The following FANCB variants were observed in gnomAD, a reference collection of about 807,000 sequenced individuals.
FANCB encodes the protein Fanconi anemia group B protein.
In FANCB, 5 loss-of-function variants were observed where a neutral mutation model predicts 38.9. That is an observed-to-expected ratio of 0.13 (90% confidence interval 0.07 to 0.27). FANCB has a LOEUF of 0.27. Ranked by LOEUF, FANCB falls within the 10% of genes least tolerant of loss-of-function variation. The probability of loss-of-function intolerance (pLI) is 1.00; values close to 1 mark genes in which losing one functional copy is unlikely to be tolerated. For synonymous variants in FANCB, 236 were observed against 215.4 expected (o/e 1.10, Z -0.84); for missense variants, 573 against 602.7 (o/e 0.95, Z 0.52).
At position 14,860,629 on chromosome X, in the gene FANCB, ATT is replaced by A. The variant is rs746694206; in HGVS notation, c.952-1297_952-1296del. On this transcript the variant is annotated intron_variant, in intron 3 of 9. Transcript: ENST00000650831. ...ATATCTAACACAATATATCTAAAATATTGTCATTTTAATTCAATGTAATCATT... is the reference window on the plus strand; with the variant it reads ...ATATCTAACACAATATATCTAAAATAGTCATTTTAATTCAATGTAATCATT... Among the ~76,000 whole-genome samples, 34 of 112,398 alleles carry A rather than the reference ATT, an allele frequency of 3.0e-4. 1 individual carries two copies. The highest frequency in any genetic ancestry group is 9.2e-3 in the Middle Eastern group (2 of 218).
the FANCB span, among the ~76,000 whole-genome samples, chrX:14,763,329 C>T: frequency 8.9e-6 from 1 of 112,292 alleles, no homozygotes; most frequent in East Asian, 2.8e-4. Context: ...AAAGGGAATA[C>T]TATACAGCCA....
the FANCB span, among the ~76,000 whole-genome samples, chrX:14,809,621 C>T: frequency 8.9e-6 from 1 of 112,278 alleles, no homozygotes; most frequent in Non-Finnish European, 1.9e-5. Flanking sequence ...GGCAGGCAGG[C>T]TGGGGAAGGG....
the FANCB span, chrX:14,731,002 C>T: frequency 9.1e-6 from 1 of 110,281 alleles, no homozygotes; most frequent in Non-Finnish European, 1.9e-5. Flanking sequence ...TATAGTGAGT[C>T]GAGGACCAAA....
At chrX:14,775,160 G>GTTTTTTTTTTTTTTT in the FANCB span, among the ~76,000 whole-genome samples, 1 of 35,001 alleles carries the variant, frequency 2.9e-5, no homozygotes, top group Non-Finnish European at 6.0e-5. Flanking sequence ...TTTCTCTAAT[G>GTTTTTTTTTTTTTTT]TTTTTTTTTT....
chrX:14,861,887 C>G (rs2092448361), intron 3 of FANCB, among the ~76,000 whole-genome samples: 2 of 110,805 alleles, frequency 1.8e-5, no homozygotes, highest in Non-Finnish European at 3.8e-5. Flanking sequence ...GCTCTGTCAA[C>G]CAGCTGGAGT....
chrX:14,729,636 T>C, the FANCB span, among the ~76,000 whole-genome samples: 2 of 110,987 alleles, frequency 1.8e-5, no homozygotes, highest in African/African-American at 6.5e-5. Context: ...GCTATATAAA[T>C]GAGATGAACT....
chrX:14,869,778 G>A (rs2092486755), intron 1 of FANCB, among the ~76,000 whole-genome samples: 1 of 111,752 alleles, frequency 8.9e-6, no homozygotes, highest in Admixed American at 9.5e-5. Context: ...AAAAAAGCTT[G>A]CAAATCATTG....
At chrX:14,702,157 C>T in the FANCB span, among the ~76,000 whole-genome samples, 4 of 111,697 alleles carry the variant, frequency 3.6e-5, no homozygotes, top group Non-Finnish European at 7.5e-5. Context: ...GCTTTCACTA[C>T]ATCATAAAAA....
At chrX:14,736,069 G>A in the FANCB span, among the ~76,000 whole-genome samples, 3 of 111,081 alleles carry the variant, frequency 2.7e-5, no homozygotes, top group African/African-American at 9.8e-5. Flanking sequence ...CTCAGTAATG[G>A]CGGACACCCC....
At chrX:14,729,475 T>C in the FANCB span, among the ~76,000 whole-genome samples, 2 of 111,999 alleles carry the variant, frequency 1.8e-5, no homozygotes, top group Non-Finnish European at 3.8e-5. Flanking sequence ...TTCAGACTTT[T>C]ATCTAATTTA....
chrX:14,760,388 G>T, the FANCB span, among the ~76,000 whole-genome samples: 1 of 111,777 alleles, frequency 8.9e-6, no homozygotes, highest in Non-Finnish European at 1.9e-5. Flanking sequence ...GTGGTTACCA[G>T]AGGCTTGGAG....
chrX:14,689,555 T>C, the FANCB span, among the ~76,000 whole-genome samples: 1 of 112,190 alleles, frequency 8.9e-6, no homozygotes, highest in Non-Finnish European at 1.9e-5. Flanking sequence ...TGTCATTTAT[T>C]ACTTTTGTTA....
At chrX:14,728,986 G>GA in the FANCB span, among the ~76,000 whole-genome samples, 1 of 112,065 alleles carries the variant, frequency 8.9e-6, no homozygotes, top group African/African-American at 3.2e-5. Flanking sequence ...CCTCTCCAGG[G>GA]ATCTGCTGTT....
chrX:14,741,866 C>T, the FANCB span, among the ~76,000 whole-genome samples: 1 of 111,238 alleles, frequency 9.0e-6, no homozygotes, highest in African/African-American at 3.3e-5. Flanking sequence ...TTTTTAAAAA[C>T]GGGCTAATGT....
At chrX:14,726,250 T>C in the FANCB span, among the ~76,000 whole-genome samples, 1 of 111,970 alleles carries the variant, frequency 8.9e-6, no homozygotes, top group Non-Finnish European at 1.9e-5. Flanking sequence ...GAAAGGCAAT[T>C]AGTCATTTAT....
the FANCB span, among the ~76,000 whole-genome samples, chrX:14,746,978 C>T: frequency 9.0e-6 from 1 of 111,526 alleles, no homozygotes; most frequent in African/African-American, 3.3e-5. Context: ...TCATTTCTAC[C>T]CAACTCAGTG....
chrX:14,724,626 C>CAAAAAAAAA, the FANCB span, among the ~76,000 whole-genome samples: 11 of 49,581 alleles, frequency 2.2e-4, no homozygotes, highest in East Asian at 1.9e-3. Context: ...AACTCTGTCT[C>CAAAAAAAAA]AAAAAAAAAA....
At chrX:14,869,958 G>A (rs1159976733) in intron 1 of FANCB, among the ~76,000 whole-genome samples, 1 of 111,999 alleles carries the variant, frequency 8.9e-6, no homozygotes, top group Non-Finnish European at 1.9e-5. Flanking sequence ...AAGACTTATT[G>A]AATTTACATA....
chrX:14,788,072 A>G, the FANCB span, among the ~76,000 whole-genome samples: 1 of 107,777 alleles, frequency 9.3e-6, no homozygotes, highest in East Asian at 2.9e-4. Flanking sequence ...TGCTAGGACA[A>G]GTCCCGGGGC....
Sources: gnomAD v4.1 joint callset for allele counts (sites outside exome capture counted in the v4.1 genomes callset) on GRCh38, gnomAD v4.1.1 for gene constraint, MANE v1.5 for transcripts, NCBI Gene and HGNC (gene_info 2026-07-23, HGNC 2026-07-21) for gene names.